Variants in SLC22A11 observed in about 807,000 individuals in gnomAD.
The protein encoded by SLC22A11 is organic anion transporter 4.
SLC22A11 carries 42 observed loss-of-function variants against 49.4 expected under a neutral mutation model. The observed-to-expected ratio is 0.85, with a 90% CI of 0.66 to 1.10. The LOEUF is 1.10. SLC22A11 is among the 50% of genes least tolerant of loss of function. The probability of loss-of-function intolerance (pLI) is 0.00; values close to 1 mark genes in which losing one functional copy is unlikely to be tolerated. For synonymous variants in SLC22A11, 304 were observed against 315.8 expected (o/e 0.96, Z 0.40); for missense variants, 685 against 731.6 (o/e 0.94, Z 0.74).
At chr11:64,568,339 G>A (rs2038656181) in intron 7 of SLC22A11, among the ~76,000 whole-genome samples, 1 of 152,188 alleles carries the variant, frequency 6.6e-6, no homozygotes, top group African/African-American at 2.4e-5. Flanking sequence ...GACCGGGCCC[G>A]GCGCTCTCTC....
At chr11:64,560,658 C>T (rs1446774148) in intron 2 of SLC22A11, among the ~76,000 whole-genome samples, 2 of 152,244 alleles carry the variant, frequency 1.3e-5, no homozygotes, top group Non-Finnish European at 2.9e-5. Context: ...CCCCTCCTTG[C>T]TTCCCTCATC....
rs1591376510 is a variant in SLC22A11, at chr11:64,567,468, C to T, written c.1059-131C>T. 31 of 819,414 alleles carry T rather than the reference C, an allele frequency of 3.8e-5. No homozygotes were observed. In the East Asian group the frequency reaches 6.1e-4, roughly 16 times the overall value. The allele number at this position is 819,414 out of a possible 1,614,324, so 50.8% of individuals were successfully genotyped here. A position where few individuals can be genotyped will look rare whatever the true frequency, so the allele number is the denominator to read the frequency against. ...TTGGCAGGCTTCTGGGATCGCTGGCCGAGACAAGCCCAGGATTGTCCTCCG... is the reference window on the plus strand; with the variant it reads ...TTGGCAGGCTTCTGGGATCGCTGGCTGAGACAAGCCCAGGATTGTCCTCCG... On this transcript the variant is annotated intron_variant, in intron 6 of 9. Coordinates refer to ENST00000301891, the MANE Select transcript of SLC22A11 (RefSeq NM_018484.4).
intron 4 of SLC22A11, among the ~76,000 whole-genome samples, chr11:64,563,735 T>C (rs1197583471): frequency 6.8e-6 from 1 of 147,598 alleles, no homozygotes; most frequent in African/African-American, 2.5e-5. Context: ...CTGGCTAACA[T>C]GGTGAAACCC....
At position 64,565,191 on chromosome 11, in the gene SLC22A11, C is replaced by T. The variant is rs1048913311; in HGVS notation, c.943-31C>T. On this transcript the variant is annotated intron_variant, in intron 5 of 9. Coordinates refer to ENST00000301891, the MANE Select transcript of SLC22A11 (RefSeq NM_018484.4). The surrounding 1 kb of genome is among the most constrained non-coding windows in gnomAD (Gnocchi z 4.1). ...GGGGTGGGGCAGGGCCATTGCCCTA[C>T]CATTCACGGTGCCCCCATTCTCCCC... The T allele has an allele frequency of 6.8e-7, 1 of 1,472,962 alleles. No homozygotes were observed. Among genetic ancestry groups the T allele is most frequent in the African/African-American group, 1.4e-5 (1 of 71,870 alleles). 91.2% of individuals were successfully genotyped at this position (1,472,962 alleles called of 1,614,324 possible). A position where few individuals can be genotyped will look rare whatever the true frequency, so the allele number is the denominator to read the frequency against.
chr11:64,561,074 G>A (rs937690311), intron 2 of SLC22A11, among the ~76,000 whole-genome samples: 3 of 152,184 alleles, frequency 2.0e-5, no homozygotes, highest in Non-Finnish European at 2.9e-5. Context: ...GGTCTGCCTC[G>A]CATCTCCGTT....
Position 64,562,262 on chromosome 11 carries a change from T to G in SLC22A11, c.653-5T>G. Reference sequence around the variant, plus strand: ...GCCTCACCTGCACGTGTCTGCATCCTTCAGTGGTGGAGTGGACCACGACCA... The same window carrying G: ...GCCTCACCTGCACGTGTCTGCATCCGTCAGTGGTGGAGTGGACCACGACCA... On this transcript the variant is annotated splice_polypyrimidine_tract_variant and splice_region_variant and intron_variant, in intron 3 of 9. Coordinates refer to ENST00000301891, the MANE Select transcript of SLC22A11 (RefSeq NM_018484.4). This position sits in a 1 kb window ranked among gnomAD's most constrained non-coding sequence, Gnocchi z 4.4. The G allele has an allele frequency of 6.2e-7, 1 of 1,601,744 alleles. No homozygotes were observed. The highest frequency in any genetic ancestry group is 8.5e-7 in the Non-Finnish European group (1 of 1,171,918).
rs1184934178 is a variant in SLC22A11 at position 64,565,679 on chromosome 11, T to C, written c.1058+342T>C. 1 of 414,916 alleles carries C rather than the reference T, an allele frequency of 2.4e-6. No individual in the cohort carries two copies. The highest frequency in any genetic ancestry group is 4.7e-6 in the Non-Finnish European group (1 of 211,078). 25.7% of individuals were successfully genotyped at this position (414,916 alleles called of 1,614,324 possible). On this transcript the variant is annotated intron_variant, in intron 6 of 9. Transcript: ENST00000301891. The surrounding 1 kb of genome is among the most constrained non-coding windows in gnomAD (Gnocchi z 4.1). The stretch of plus-strand genomic sequence containing the variant: ...ACCAGCCACGGCCGAGGAGTACCAC[T>C]GTGTGTCATCGTTAGAGACTTACCA...
Position 64,571,219 on chromosome 11 carries a change from A to C in SLC22A11, c.*177A>C, listed in dbSNP as rs576033837. 1.6e-6 allele frequency: 1 copy of C among 637,052 alleles called. No individual in the cohort carries two copies. The highest frequency in any genetic ancestry group is 1.9e-5 in the South Asian group (1 of 53,090). 39.5% of individuals were successfully genotyped at this position (637,052 alleles called of 1,614,324 possible). ...TGCTGTGGCTGAAGGCAGCTTCCAC[A>C]GCTCACTCCTCTTCTCCCTGCCCTG... On this transcript the variant is annotated 3_prime_UTR_variant, in exon 10 of 10. Transcript: ENST00000301891.
chr11:64,558,226 T>G (rs2038490785), intron 1 of SLC22A11, among the ~76,000 whole-genome samples: 1 of 152,236 alleles, frequency 6.6e-6, no homozygotes, highest in African/African-American at 2.4e-5. Flanking sequence ...TGAGCCACTG[T>G]GCCCGGGATT....
Position 64,567,730 on chromosome 11 carries a change from G to C in SLC22A11, c.1190G>C (p.Ser397Thr). 1 of 1,613,544 alleles carries C rather than the reference G, an allele frequency of 6.2e-7. No individual in the cohort carries two copies. The highest frequency in any genetic ancestry group is 2.2e-5 in the East Asian group (1 of 44,872). Residue 397 changes from serine to threonine, a missense_variant, in exon 7 of 10, where the codon AGT becomes ACT. Ser to Thr is a moderately conservative substitution (Grantham distance 58). Coordinates refer to ENST00000301891, the MANE Select transcript of SLC22A11 (RefSeq NM_018484.4). ...CGGGCCACCACTGCCCTCTTGCTCA[G>C]TTTCCTTGGCCGCCGCACCATCCAG... The part of the protein sequence containing the change: ...LGRATTALLL[S>T]FLGRRTIQAG...
Position 64,562,175 on chromosome 11 carries a change from G to A in SLC22A11, c.652+17G>A. 1.9e-6 allele frequency: 3 copies of A among 1,610,638 alleles called. No homozygotes were observed. The highest frequency in any genetic ancestry group is 2.5e-6 in the Non-Finnish European group (3 of 1,177,796). On this transcript the variant is annotated intron_variant, in intron 3 of 9. Transcript: ENST00000301891. The surrounding 1 kb of genome is among the most constrained non-coding windows in gnomAD (Gnocchi z 4.4). ...TGACACTGAGTGAGTCCCCGGCTCA[G>A]CGCGCTCCTGCCATGGGGGCGGGGG...
intron 1 of SLC22A11, among the ~76,000 whole-genome samples, chr11:64,558,101 T>G (rs1591371925): frequency 6.6e-6 from 1 of 152,264 alleles, no homozygotes; most frequent in East Asian, 1.9e-4. Flanking sequence ...CTTGGTCTAA[T>G]TTTTTAAATT....
At position 64,571,284 on chromosome 11, in the gene SLC22A11, T is replaced by G; in HGVS notation, c.*242T>G. On this transcript the variant is annotated 3_prime_UTR_variant, in exon 10 of 10. Coordinates refer to ENST00000301891, the MANE Select transcript of SLC22A11 (RefSeq NM_018484.4). ...CTTACCCGGGCCCTACAGGAGCCTG[T>G]GCAGATGGCCATGCCCAACCAATAA... is the stretch of plus-strand genomic sequence containing the variant. The G allele has an allele frequency of 1.9e-6, 1 of 533,384 alleles. No homozygotes were observed. The highest frequency in any genetic ancestry group is 3.3e-6 in the Non-Finnish European group (1 of 298,928). The allele number at this position is 533,384 out of a possible 1,614,324, so 33.0% of individuals were successfully genotyped here.
chr11:64,559,065 G>A (rs577954017), intron 1 of SLC22A11, 70 bp from the exon 2 acceptor site: 166 of 1,369,550 alleles, frequency 1.2e-4, no homozygotes, highest in East Asian at 3.0e-4. Flanking sequence ...TGGGTCAGGC[G>A]TTCCTCGGCC....
chr11:64,569,906 C>T, intron 9 of SLC22A11, 48 bp downstream of exon 9: 1 of 1,589,306 alleles, frequency 6.3e-7, no homozygotes, highest in South Asian at 1.1e-5. Context: ...TCCTCCTGGG[C>T]CAAGATGGAG....
intron 8 of SLC22A11, 37 bp downstream of exon 8, chr11:64,568,815 G>A: frequency 1.9e-6 from 3 of 1,581,182 alleles, no homozygotes; most frequent in Non-Finnish European, 2.6e-6. Context: ...AGGGCCAGCA[G>A]GGCCGTCCTG....
chr11:64,560,499 C>T (rs1427867570), intron 2 of SLC22A11, among the ~76,000 whole-genome samples: 1 of 152,318 alleles, frequency 6.6e-6, no homozygotes, highest in Non-Finnish European at 1.5e-5. Flanking sequence ...GCCTGCAGAG[C>T]GCCTCAGTGA....
Position 64,562,563 on chromosome 11 carries a change from C to A in SLC22A11, c.821+128C>A. On this transcript the variant is annotated intron_variant, in intron 4 of 9. Transcript: ENST00000301891. The surrounding 1 kb of genome is among the most constrained non-coding windows in gnomAD (Gnocchi z 4.4). ...CACAGAAGGGCCATGGCATGAGCGGCACCCTCGCTAGGGAGGGACATTGGT... is the reference window on the plus strand; with the variant it reads ...CACAGAAGGGCCATGGCATGAGCGGAACCCTCGCTAGGGAGGGACATTGGT... The A allele has an allele frequency of 2.0e-6, 2 of 1,017,466 alleles. No homozygotes were observed. The highest frequency in any genetic ancestry group is 2.8e-6 in the Non-Finnish European group (2 of 718,364). The allele number at this position is 1,017,466 out of a possible 1,614,324, so 63.0% of individuals were successfully genotyped here. A position where few individuals can be genotyped will look rare whatever the true frequency, so the allele number is the denominator to read the frequency against.
At chr11:64,561,544 G>A (rs2038543579) in intron 2 of SLC22A11, among the ~76,000 whole-genome samples, 1 of 152,116 alleles carries the variant, frequency 6.6e-6, no homozygotes, top group Non-Finnish European at 1.5e-5. Flanking sequence ...GAACTCCTGG[G>A]CTCAAGCCAT....
Sources: gnomAD v4.1 joint callset for allele counts (sites outside exome capture counted in the v4.1 genomes callset) on GRCh38, gnomAD v4.1.1 for gene constraint, Gnocchi (gnomAD v3.1) non-coding constraint, MANE v1.5 for transcripts, NCBI Gene and HGNC (gene_info 2026-07-23, HGNC 2026-07-21) for gene names.